Variants in SATB2 observed in about 807,000 individuals in gnomAD.
SATB2 encodes DNA-binding protein SATB2.
In SATB2, 1 loss-of-function variant was observed where a neutral mutation model predicts 73.4. That is an observed-to-expected ratio of 0.01 (90% confidence interval 0.00 to 0.06). The LOEUF is 0.06. SATB2 is among the 10% of genes least tolerant of loss of function. The pLI, the probability that SATB2 is intolerant of heterozygous loss-of-function variation, is 1.00. For synonymous variants in SATB2, 397 were observed against 367.0 expected, an observed-to-expected ratio of 1.08 and a Z score of -0.93; for missense variants, 459 against 945.8, an observed-to-expected ratio of 0.49 and a Z score of 6.75.
intron 7 of SATB2, among the ~76,000 whole-genome samples, chr2:199,341,398 C>A (rs1290091626): frequency 6.6e-6 from 1 of 152,202 alleles, no homozygotes; most frequent in South Asian, 2.1e-4. Flanking sequence ...AGAGGCAAAG[C>A]CACTCTCAAA....
At position 199,377,585 on chromosome 2, in the gene SATB2, T is replaced by C. The variant is rs868612674; in HGVS notation, c.597+2779A>G. 5.9e-4 allele frequency among the ~76,000 whole-genome samples: 90 copies of C among 152,070 alleles called. 2 individuals carry two copies. The highest frequency in any genetic ancestry group is 1.8e-4 in the Non-Finnish European group (12 of 68,024). On this transcript the variant is annotated intron_variant, in intron 5 of 10. Transcript: ENST00000417098. ...AATTTCATGTGTTTGGAATATAGAA[T>C]GAGTGCAGGAAGAGGGAAGAAGGTA... is the stretch of plus-strand genomic sequence containing the variant.
At chr2:199,459,245 C>T (rs1173144807), upstream of SATB2, among the ~76,000 whole-genome samples, 3 of 150,786 alleles carry the variant, frequency 2.0e-5, no homozygotes, top group Non-Finnish European at 3.0e-5. The surrounding 1 kb of genome is among the most constrained non-coding windows in gnomAD (Gnocchi z 4.2). Context: ...CCTCCCCGCC[C>T]GGGGGGAGGC....
chr2:199,464,000 T>G lies in SATB2; in HGVS notation c.-141+836A>C, dbSNP rs111324230. 9.0e-3 allele frequency among the ~76,000 whole-genome samples: 1,376 copies of G among 152,234 alleles called. 25 individuals are homozygous for G. Among genetic ancestry groups the G allele is most frequent in the African/African-American group, 0.031 (1,284 of 41,550 alleles). ...AAGCGGAGAGGGCGAAAAAGCCCGC[T>G]GCGGGACCCACGGTCCCAGACACCT... On this transcript the variant is annotated intron_variant, in intron 1 of 11. Transcript: ENST00000260926. The surrounding 1 kb of genome is among the most constrained non-coding windows in gnomAD (Gnocchi z 6.4).
chr2:199,398,040 G>A (rs1162522484), intron 3 of SATB2, among the ~76,000 whole-genome samples: 1 of 152,200 alleles, frequency 6.6e-6, no homozygotes, highest in Non-Finnish European at 1.5e-5. Context: ...AATAAAGAGT[G>A]ACTAGTGGTT....
intron 10 of SATB2, among the ~76,000 whole-genome samples, chr2:199,294,551 A>G (rs577448577): frequency 6.6e-6 from 1 of 152,106 alleles, no homozygotes; most frequent in Non-Finnish European, 1.5e-5. Flanking sequence ...GGAGGCTTTC[A>G]TTTCCCATGA....
chr2:199,321,531 T>C (rs1164446221), intron 9 of SATB2, among the ~76,000 whole-genome samples: 1 of 150,416 alleles, frequency 6.6e-6, no homozygotes, highest in African/African-American at 2.5e-5. Flanking sequence ...CATATACATA[T>C]ATACATATAT....
chr2:199,296,114 A>G (rs1374892790), intron 10 of SATB2, among the ~76,000 whole-genome samples: 1 of 152,196 alleles, frequency 6.6e-6, no homozygotes, highest in Non-Finnish European at 1.5e-5. Context: ...TTTCTCTTGC[A>G]ATTGCCAAAA....
At chr2:199,361,770 T>A (rs1336552078) in intron 6 of SATB2, among the ~76,000 whole-genome samples, 1 of 140,596 alleles carries the variant, frequency 7.1e-6, no homozygotes, top group Non-Finnish European at 1.6e-5. Flanking sequence ...TTTTTTTTTT[T>A]TTATGTGAGA....
At chr2:199,325,299 T>C (rs1470285432) in intron 8 of SATB2, 1 of 152,168 alleles carries the variant, frequency 6.6e-6, no homozygotes. Context: ...GATATTATTA[T>C]TTTCATCTTA....
chr2:199,456,194 C>G, intron 1 of SATB2, 98 bp from the exon 2 acceptor site: 1 of 755,832 alleles, frequency 1.3e-6, no homozygotes, highest in Non-Finnish European at 2.2e-6. Flanking sequence ...GAGCGCTGCA[C>G]CACAGCCACA....
At chr2:199,330,268 G>A (rs1688150156) in intron 7 of SATB2, among the ~76,000 whole-genome samples, 1 of 152,206 alleles carries the variant, frequency 6.6e-6, no homozygotes, top group African/African-American at 2.4e-5. Context: ...GCAAATGCCA[G>A]TTATAGGAAC....
intron 3 of SATB2, chr2:199,397,700 C>T (rs1260837619): frequency 2.1e-5 from 7 of 338,638 alleles, no homozygotes. Flanking sequence ...ACCAGCCTGG[C>T]CAATATAGTG....
At chr2:199,386,714 GCGCACACACACACACACACACACACA>G (rs1689967830) in intron 3 of SATB2, among the ~76,000 whole-genome samples, 5 of 22,550 alleles carry the variant, frequency 2.2e-4, no homozygotes, top group Admixed American at 7.9e-4. Context: ...GCGCGCGCGC[GCGCACACACACACACACACACACACA>G]CACACACACA....
chr2:199,390,180 C>T (rs1690088434), intron 3 of SATB2, among the ~76,000 whole-genome samples: 1 of 151,694 alleles, frequency 6.6e-6, no homozygotes, highest in Non-Finnish European at 1.5e-5. Context: ...ATTTAATTTT[C>T]AGAATTCCAG....
At chr2:199,368,584 C>T (rs1407459209) in intron 6 of SATB2, 21 bp downstream of exon 6, 2 of 1,415,860 alleles carry the variant, frequency 1.4e-6, no homozygotes, top group Non-Finnish European at 2.0e-6. Flanking sequence ...ACAGGCTTTA[C>T]AAACAAAAAA....
chr2:199,299,777 C>T (rs1480727409), intron 10 of SATB2, among the ~76,000 whole-genome samples: 1 of 152,062 alleles, frequency 6.6e-6, no homozygotes, highest in African/African-American at 2.4e-5. Flanking sequence ...AACTTGAAGC[C>T]TAACAGCAGG....
intron 3 of SATB2, among the ~76,000 whole-genome samples, chr2:199,429,628 G>A (rs962143884): frequency 2.0e-4 from 30 of 152,200 alleles, no homozygotes; most frequent in Non-Finnish European, 3.2e-4. Flanking sequence ...TAAAATTGTC[G>A]GCCAGGCACG....
At chr2:199,382,368 G>A (rs1320525103) in intron 3 of SATB2, among the ~76,000 whole-genome samples, 1 of 152,128 alleles carries the variant, frequency 6.6e-6, no homozygotes, top group Non-Finnish European at 1.5e-5. Flanking sequence ...GCTTTCCCAG[G>A]CCAAATGCAA....
chr2:199,354,332 G>A (rs1469799726), intron 6 of SATB2, among the ~76,000 whole-genome samples: 1 of 152,042 alleles, frequency 6.6e-6, no homozygotes, highest in African/African-American at 2.4e-5. Flanking sequence ...CTCCAGCCTG[G>A]GTGACAGAGT....
Sources: allele counts gnomAD v4.1 joint callset (sites outside exome capture counted in the v4.1 genomes callset), GRCh38; gene constraint gnomAD v4.1.1; non-coding constraint Gnocchi (gnomAD v3.1); transcripts MANE v1.5; gene names NCBI Gene and HGNC (gene_info 2026-07-23, HGNC 2026-07-21).